Variants in RASSF6 observed in about 807,000 individuals in gnomAD.
The protein encoded by RASSF6 is Ras association domain family member 6.
RASSF6 carries 52 observed loss-of-function variants against 44.0 expected under a neutral mutation model. The ratio of observed to expected loss-of-function variants is 1.18; its 90% CI spans 0.95 to 1.49. RASSF6 has a LOEUF of 1.49. Among genes scored for constraint, RASSF6 ranks in the 40% most tolerant of loss-of-function variants. The pLI, the probability that RASSF6 is intolerant of heterozygous loss-of-function variation, is 0.00. For synonymous variants in RASSF6, 162 were observed against 124.6 expected (o/e 1.30, Z -2.00); for missense variants, 464 against 393.3 (o/e 1.18, Z -1.52).
In RASSF6 at chr4:73,607,194, A is replaced by T. The variant is rs775372553; in HGVS notation, c.65+4537T>A. Among the ~76,000 whole-genome samples the T allele has an allele frequency of 3.3e-5, 5 of 152,354 alleles. No homozygotes were observed. The South Asian group carries it at 8.3e-4, about 25-fold the overall frequency. ...TAATCATATCATCTGCTTTGTTAAC[A>T]TCTTTAAATGTCTTAAATGTCTTTC... On this transcript the variant is annotated intron_variant, in intron 2 of 10. Coordinates refer to ENST00000307439, the MANE Select transcript of RASSF6 (RefSeq NM_177532.5).
At chr4:73,592,967 T>C (rs1357147180) in intron 4 of RASSF6, among the ~76,000 whole-genome samples, 1 of 151,734 alleles carries the variant, frequency 6.6e-6, no homozygotes, top group Non-Finnish European at 1.5e-5. Flanking sequence ...CACAAATTAG[T>C]TAATCTTGAA....
At chr4:73,606,639 GTTT>G (rs11284857) in intron 2 of RASSF6, among the ~76,000 whole-genome samples, 5 of 149,186 alleles carry the variant, frequency 3.4e-5, no homozygotes, top group Admixed American at 6.7e-5. Context: ...AAGCCTTATA[GTTT>G]TTTTTTTTTT....
upstream of RASSF6, chr4:73,620,502 G>A (rs1305288090): frequency 3.3e-6 from 5 of 1,536,734 alleles, no homozygotes; most frequent in Non-Finnish European, 4.4e-6. Context: ...CCAGAGCATG[G>A]CTCAGCTGGG....
rs114984234 is a variant in RASSF6 at position 73,577,606 on chromosome 4, T to C, written c.722-875A>G. ...CCCAGCCTCCCCACAATTAAAGTGA[T>C]ATTACCCATTCCTGTTCACATAGTG... is the stretch of plus-strand genomic sequence containing the variant. On this transcript the variant is annotated intron_variant, in intron 8 of 10. Transcript: ENST00000307439. 4.0e-3 allele frequency among the ~76,000 whole-genome samples: 613 copies of C among 152,278 alleles called. 5 individuals are homozygous for C. The highest frequency in any genetic ancestry group is 0.014 in the African/African-American group (590 of 41,556).
At chr4:73,588,075 G>A (rs1050235250) in intron 4 of RASSF6, 141 bp from the exon 5 acceptor site, 15 of 477,688 alleles carry the variant, frequency 3.1e-5, no homozygotes, top group Non-Finnish European at 5.3e-5. Context: ...ACAATTTTAT[G>A]ATATTATTAA....
At chr4:73,585,793 G>T (rs547003548) in intron 5 of RASSF6, among the ~76,000 whole-genome samples, 112 of 151,892 alleles carry the variant, frequency 7.4e-4, no homozygotes, top group Non-Finnish European at 1.4e-3. Flanking sequence ...ACTCATAAAT[G>T]ATAGAATCAG....
chr4:73,582,327 T>C (rs1049019973), intron 6 of RASSF6, 37 bp from the exon 7 acceptor site: 5 of 1,100,412 alleles, frequency 4.5e-6, no homozygotes, highest in Non-Finnish European at 5.3e-6. Flanking sequence ...TTTAAAATTA[T>C]ATTATATTAA....
chr4:73,596,645 C>T (rs903346922), intron 3 of RASSF6, among the ~76,000 whole-genome samples: 6 of 152,082 alleles, frequency 3.9e-5, no homozygotes, highest in South Asian at 2.1e-4. Flanking sequence ...CATATGAATC[C>T]AAAACAGCCT....
intron 1 of RASSF6, among the ~76,000 whole-genome samples, chr4:73,615,178 C>CAAAAAAAAA (rs59463389): frequency 1.3e-5 from 1 of 76,984 alleles, no homozygotes; most frequent in African/African-American, 4.8e-5. Flanking sequence ...GACTCTGTCT[C>CAAAAAAAAA]AAAAAAAAAA....
chr4:73,593,441 G>A lies in RASSF6; in HGVS notation c.287+10C>T. 2 of 1,592,016 alleles carry A rather than the reference G, an allele frequency of 1.3e-6. No homozygotes were observed. The highest frequency in any genetic ancestry group is 1.4e-5 in the African/African-American group (1 of 73,540). ...CTTCTGAGGAATTAAAAACATGAAA[G>A]ATAGCTTACCCTTTGCTGGAGAAGA... On this transcript the variant is annotated intron_variant, in intron 4 of 10. Transcript: ENST00000307439.
chr4:73,614,283 T>C (rs1726205018), intron 1 of RASSF6, among the ~76,000 whole-genome samples: 1 of 152,196 alleles, frequency 6.6e-6, no homozygotes, highest in South Asian at 2.1e-4. Context: ...CCCTCTGTTG[T>C]GGTCTGAATG....
chr4:73,618,583 A>G (rs931165235), intron 1 of RASSF6, among the ~76,000 whole-genome samples: 1 of 152,154 alleles, frequency 6.6e-6, no homozygotes, highest in African/African-American at 2.4e-5. Context: ...ATTCAATTTG[A>G]TTCCTTTATA....
At chr4:73,614,951 G>A (rs1294666336) in intron 1 of RASSF6, among the ~76,000 whole-genome samples, 1 of 152,160 alleles carries the variant, frequency 6.6e-6, no homozygotes, top group Non-Finnish European at 1.5e-5. Flanking sequence ...TATTCAAACA[G>A]TTTAAATACC....
Position 73,572,957 on chromosome 4 carries a change from A to G in RASSF6, c.*3278T>C, listed in dbSNP as rs1381165345. The G allele has an allele frequency of 6.6e-6, 1 of 152,068 alleles. No individual in the cohort carries two copies. The highest frequency in any genetic ancestry group is 2.4e-5 in the African/African-American group (1 of 41,412). The allele number at this position is 152,068 out of a possible 1,614,324, so 9.4% of individuals were successfully genotyped here. On this transcript the variant is annotated 3_prime_UTR_variant, in exon 11 of 11. Transcript: ENST00000307439. ...CACACACACAAATACATATATATAT[A>G]CACACACATACATATATAATATATA...
intron 1 of RASSF6, among the ~76,000 whole-genome samples, chr4:73,618,513 T>C (rs1389270627): frequency 6.6e-6 from 1 of 152,172 alleles, no homozygotes; most frequent in East Asian, 1.9e-4. Context: ...AAATTCAGCA[T>C]AAAAGCATAT....
rs774763556 is a variant in RASSF6 at position 73,620,407 on chromosome 4, T to A, written c.-154A>T. The A allele has an allele frequency of 1.3e-6, 2 of 1,538,684 alleles. No homozygotes were observed. The highest frequency in any genetic ancestry group is 1.8e-6 in the Non-Finnish European group (2 of 1,141,956). ...GGTAGAGGGAAACCAGTGCCCTGTC[T>A]CTGCCGGGCTGGGACTCCGCGAGTC... On this transcript the variant is annotated 5_prime_UTR_variant, in exon 1 of 11. Coordinates refer to ENST00000307439, the MANE Select transcript of RASSF6 (RefSeq NM_177532.5).
intron 2 of RASSF6, among the ~76,000 whole-genome samples, chr4:73,605,938 T>C (rs1198767442): frequency 1.3e-5 from 2 of 152,226 alleles, no homozygotes; most frequent in Non-Finnish European, 2.9e-5. Context: ...TCTGCCCATG[T>C]CTTTTGGTCA....
intron 1 of RASSF6, among the ~76,000 whole-genome samples, chr4:73,614,414 C>T (rs1321537740): frequency 1.3e-5 from 2 of 152,142 alleles, no homozygotes; most frequent in Non-Finnish European, 2.9e-5. Context: ...GTGGTTAGTG[C>T]CCTTATAAAA....
At chr4:73,611,659 A>G (rs1268865606) in intron 2 of RASSF6, 72 bp downstream of exon 2, 1 of 891,614 alleles carries the variant, frequency 1.1e-6, no homozygotes, top group Non-Finnish European at 1.8e-6. Flanking sequence ...CATCATGCTT[A>G]GAAAACTTTG....
Sources: allele counts gnomAD v4.1 joint callset (sites outside exome capture counted in the v4.1 genomes callset), GRCh38; gene constraint gnomAD v4.1.1; transcripts MANE v1.5; gene names NCBI Gene and HGNC (gene_info 2026-07-23, HGNC 2026-07-21).